ANKS1A: variants seen among roughly 807,000 people sequenced by gnomAD.
The protein encoded by ANKS1A is ankyrin repeat and sterile alpha motif domain containing 1A.
Under a neutral mutation model 120.3 loss-of-function variants are expected in ANKS1A, and 55 were observed. That is an observed-to-expected ratio of 0.46 (90% CI 0.37 to 0.57). The LOEUF (loss-of-function observed/expected upper bound fraction) is 0.57, where lower values mean the gene tolerates loss of function less well. Ranked by LOEUF, ANKS1A falls within the 20% of genes least tolerant of loss-of-function variation. The pLI is 0.00. For missense variants in ANKS1A, 1,123 were observed against 1,480.3 expected (o/e 0.76, Z 3.96); for synonymous variants, 590 against 604.7 (o/e 0.98, Z 0.36).
chr6:34,930,968 CT>C (rs1307038820), intron 1 of ANKS1A, among the ~76,000 whole-genome samples: 2 of 151,712 alleles, frequency 1.3e-5, no homozygotes, highest in Non-Finnish European at 2.9e-5. Flanking sequence ...CCTCTGCCCC[CT>C]GGGTTCAAGC....
At chr6:35,055,391 G>A (rs980850999) in intron 12 of ANKS1A, among the ~76,000 whole-genome samples, 2 of 151,768 alleles carry the variant, frequency 1.3e-5, no homozygotes, top group African/African-American at 4.8e-5. Context: ...GAGCAATGAC[G>A]TAATCTTGGC....
rs183507334 is a variant in ANKS1A, at chr6:34,916,655, C to T, written c.197+27056C>T. Among the ~76,000 whole-genome samples, 3 of 152,238 alleles carry T rather than the reference C, an allele frequency of 2.0e-5. No individual in the cohort carries two copies. In the East Asian group the frequency reaches 5.8e-4, roughly 29 times the overall value. ...TCTCTTGTAAAAGTCTTCCTTTTGCCTCTGAAATATACCCTGTCCCTATGT... is the reference window on the plus strand; with the variant it reads ...TCTCTTGTAAAAGTCTTCCTTTTGCTTCTGAAATATACCCTGTCCCTATGT... On this transcript the variant is annotated intron_variant, in intron 1 of 23. Transcript: ENST00000360359.
At chr6:35,063,485 A>T (rs555174410) in intron 13 of ANKS1A, among the ~76,000 whole-genome samples, 8 of 152,376 alleles carry the variant, frequency 5.3e-5, no homozygotes, top group African/African-American at 1.2e-4. Context: ...GTAGATATTT[A>T]AAAAACCACA....
chr6:34,942,604 G>A (rs944662565), intron 1 of ANKS1A, among the ~76,000 whole-genome samples: 1 of 152,142 alleles, frequency 6.6e-6, no homozygotes, highest in Admixed American at 6.5e-5. Context: ...TTGCAGATAG[G>A]GAGTGTAAAG....
intron 3 of ANKS1A, among the ~76,000 whole-genome samples, chr6:34,975,560 A>T (rs1390925842): frequency 1.3e-5 from 2 of 151,792 alleles, no homozygotes; most frequent in African/African-American, 4.8e-5. Context: ...GGAATTTGGG[A>T]CCAGCCTGGG....
intron 11 of ANKS1A, among the ~76,000 whole-genome samples, chr6:35,031,308 A>G (rs1313417159): frequency 6.6e-6 from 1 of 152,206 alleles, no homozygotes; most frequent in South Asian, 2.1e-4. Flanking sequence ...TCCACCTAAC[A>G]GCGTAATCGC....
rs1766715384 is a variant in ANKS1A, at chr6:34,889,898, C to G, written c.197+299C>G. Among the ~76,000 whole-genome samples the G allele has an allele frequency of 6.6e-6, 1 of 152,006 alleles. No homozygotes were observed. The highest frequency in any genetic ancestry group is 1.5e-5 in the Non-Finnish European group (1 of 68,014). On this transcript the variant is annotated intron_variant, in intron 1 of 23. Transcript: ENST00000360359. The surrounding 1 kb of genome is among the most constrained non-coding windows in gnomAD (Gnocchi z 5.5). ...GTTCACTCTCGCTCGCTACAGGGTG[C>G]CAGCTATCGTAGCTCACAAAAGCCA... is the stretch of plus-strand genomic sequence containing the variant.
At chr6:35,077,913 C>CA (rs1389709757) in intron 13 of ANKS1A, among the ~76,000 whole-genome samples, 1 of 152,220 alleles carries the variant, frequency 6.6e-6, no homozygotes, top group Non-Finnish European at 1.5e-5. Flanking sequence ...CCTCCGCCCC[C>CA]ACATCCTTGC....
chr6:34,966,791 C>T (rs940206942), intron 1 of ANKS1A, among the ~76,000 whole-genome samples: 2 of 152,136 alleles, frequency 1.3e-5, no homozygotes, highest in Admixed American at 6.5e-5. Flanking sequence ...TCTTAAGACA[C>T]GTCTCCTGGT....
In ANKS1A at chr6:34,932,852, C is replaced by T. The variant is rs74698466; in HGVS notation, c.198-34387C>T. Among the ~76,000 whole-genome samples the T allele has an allele frequency of 2.8e-4, 42 of 152,270 alleles. No homozygotes were observed. The East Asian group carries it at 7.5e-3, about 27-fold the overall frequency. Reference sequence around the variant, plus strand: ...TTTGTGTAGACCTATGCTTTCATTTCTCTTGGAGTGAATTGCTGAGTTATA... The same window carrying T: ...TTTGTGTAGACCTATGCTTTCATTTTTCTTGGAGTGAATTGCTGAGTTATA... On this transcript the variant is annotated intron_variant, in intron 1 of 23. Coordinates refer to ENST00000360359, the MANE Select transcript of ANKS1A (RefSeq NM_015245.3).
In ANKS1A at chr6:34,889,946, T is replaced by A. The variant is rs28473641; in HGVS notation, c.197+347T>A. Among the ~76,000 whole-genome samples the A allele has an allele frequency of 2.2e-3, 177 of 78,848 alleles. 1 individual carries two copies. The highest frequency in any genetic ancestry group is 0.014 in the African/African-American group (111 of 7,738). 51.7% of individuals were successfully genotyped at this position (78,848 alleles called of 152,430 possible). ...CCAATTAAGAGCAAATATGTATATC[T>A]TATATATATATATATGAGATCTCCC... On this transcript the variant is annotated intron_variant, in intron 1 of 23. Transcript: ENST00000360359. The surrounding 1 kb of genome is among the most constrained non-coding windows in gnomAD (Gnocchi z 5.5).
intron 11 of ANKS1A, among the ~76,000 whole-genome samples, chr6:35,023,298 C>G (rs1449328055): frequency 6.6e-6 from 1 of 152,144 alleles, no homozygotes; most frequent in Non-Finnish European, 1.5e-5. Context: ...CCGTCTTTTC[C>G]TGCAGGGACC....
Position 35,050,448 on chromosome 6 carries a change from T to C in ANKS1A, c.2011-3651T>C, listed in dbSNP as rs1389337967. On this transcript the variant is annotated intron_variant, in intron 11 of 23. Transcript: ENST00000360359. The surrounding 1 kb of genome is among the most constrained non-coding windows in gnomAD (Gnocchi z 4.3). Reference sequence around the variant, plus strand: ...GAGAACACTAAATGGTGCCCGTCCATTACACTTAACCTGCCTCTTCCCCTG... The same window carrying C: ...GAGAACACTAAATGGTGCCCGTCCACTACACTTAACCTGCCTCTTCCCCTG... Among the ~76,000 whole-genome samples the C allele has an allele frequency of 6.6e-6, 1 of 152,188 alleles. No homozygotes were observed. The highest frequency in any genetic ancestry group is 1.9e-4 in the East Asian group (1 of 5,196).
rs915668652 is a variant in ANKS1A at position 35,090,824 on chromosome 6, G to T, written c.*2215G>T. The stretch of plus-strand genomic sequence containing the variant: ...CATTCGGGTGGGAGACTTCAGATGG[G>T]CTCAGTACCTGTCCCAGCCACAGGC... On this transcript the variant is annotated 3_prime_UTR_variant, in exon 24 of 24. Coordinates refer to ENST00000360359, the MANE Select transcript of ANKS1A (RefSeq NM_015245.3). 1.8e-5 allele frequency: 18 copies of T among 985,770 alleles called. No individual in the cohort carries two copies. The African/African-American group carries it at 3.1e-4, about 17-fold the overall frequency. The allele number at this position is 985,770 out of a possible 1,614,324, so 61.1% of individuals were successfully genotyped here. A position where few individuals can be genotyped will look rare whatever the true frequency, so the allele number is the denominator to read the frequency against.
rs375225822 is a variant in ANKS1A, at chr6:35,036,221, G to A, written c.2011-17878G>A. 2.6e-5 allele frequency among the ~76,000 whole-genome samples: 4 copies of A among 152,326 alleles called. No homozygotes were observed. The East Asian group carries it at 5.8e-4, about 22-fold the overall frequency. ...CTCTGAGCAGCTGGAAGGGTCTGGG[G>A]CTGAGGACTGCTGCCAGGGCTTCAC... On this transcript the variant is annotated intron_variant, in intron 11 of 23. Coordinates refer to ENST00000360359, the MANE Select transcript of ANKS1A (RefSeq NM_015245.3).
At chr6:34,975,758 A>T (rs1006373188) in intron 3 of ANKS1A, among the ~76,000 whole-genome samples, 5 of 152,040 alleles carry the variant, frequency 3.3e-5, no homozygotes, top group Middle Eastern at 3.2e-3. Context: ...TGTCTCAAAA[A>T]AAAAATAATA....
At chr6:35,042,569 C>T (rs971433566) in intron 11 of ANKS1A, among the ~76,000 whole-genome samples, 1 of 152,182 alleles carries the variant, frequency 6.6e-6, no homozygotes, top group Non-Finnish European at 1.5e-5. Flanking sequence ...GAGCCATCCT[C>T]GGACCTTATG....
intron 1 of ANKS1A, among the ~76,000 whole-genome samples, chr6:34,921,201 C>T (rs147483583): frequency 0.014 from 2,082 of 152,318 alleles, 32 homozygotes; most frequent in Non-Finnish European, 0.016. Context: ...AGAAAACTTA[C>T]ACAACATATC....
chr6:35,064,260 T>C (rs775841633), intron 13 of ANKS1A, among the ~76,000 whole-genome samples: 3 of 152,122 alleles, frequency 2.0e-5, no homozygotes, highest in Non-Finnish European at 4.4e-5. Context: ...CAGGCAGTCA[T>C]GGCTCGGGGC....
Sources: gnomAD v4.1 joint callset for allele counts (sites outside exome capture counted in the v4.1 genomes callset) on GRCh38, gnomAD v4.1.1 for gene constraint, Gnocchi (gnomAD v3.1) non-coding constraint, MANE v1.5 for transcripts, NCBI Gene and HGNC (gene_info 2026-07-23, HGNC 2026-07-21) for gene names.